Variants in CSRNP3 observed in about 807,000 individuals in gnomAD.
The protein encoded by CSRNP3 is cysteine and serine rich nuclear protein 3, also known as cysteine/serine-rich nuclear protein 3.
A neutral mutation model predicts 48.0 loss-of-function variants in CSRNP3; 12 were observed. The observed-to-expected ratio is 0.25, with a 90% CI of 0.16 to 0.41. CSRNP3 has a LOEUF of 0.41. CSRNP3 is among the 10% of genes least tolerant of loss of function. The probability of loss-of-function intolerance (pLI) is 1.00; values close to 1 mark genes in which losing one functional copy is unlikely to be tolerated. For missense variants in CSRNP3, 580 were observed against 724.4 expected (o/e 0.80, Z 2.29); for synonymous variants, 263 against 269.7 (o/e 0.98, Z 0.24).
chr2:165,608,396 G>A (rs1436251421), intron 4 of CSRNP3, among the ~76,000 whole-genome samples: 1 of 151,986 alleles, frequency 6.6e-6, no homozygotes, highest in Non-Finnish European at 1.5e-5. Context: ...ATAAGTAAAT[G>A]TTAACTTTGG....
intron 3 of CSRNP3, among the ~76,000 whole-genome samples, chr2:165,540,251 C>A (rs991386193): frequency 6.6e-6 from 1 of 151,992 alleles, no homozygotes; most frequent in Non-Finnish European, 1.5e-5. Flanking sequence ...TACTCCCTGT[C>A]TTTATTGTTA....
intron 3 of CSRNP3, among the ~76,000 whole-genome samples, chr2:165,566,479 C>A (rs2105270917): frequency 6.6e-6 from 1 of 151,498 alleles, no homozygotes; most frequent in Middle Eastern, 3.4e-3. Flanking sequence ...TCTCGTGATG[C>A]CTCAATGGTT....
In CSRNP3 at chr2:165,684,017, T is replaced by C. The variant is rs1459104797; in HGVS notation, c.*4264T>C. ...TTCTTCAATGTTAGACCTATATAAG[T>C]GATGCTAAATTTACACCAGCAAACT... is the stretch of plus-strand genomic sequence containing the variant. On this transcript the variant is annotated 3_prime_UTR_variant, in exon 7 of 7. Transcript: ENST00000651982. 6.6e-6 allele frequency: 1 copy of C among 152,120 alleles called. No homozygotes were observed. The highest frequency in any genetic ancestry group is 1.5e-5 in the Non-Finnish European group (1 of 67,992). The allele number at this position is 152,120 out of a possible 1,614,324, so 9.4% of individuals were successfully genotyped here.
chr2:165,553,373 C>T (rs1268801139), intron 3 of CSRNP3, among the ~76,000 whole-genome samples: 1 of 152,196 alleles, frequency 6.6e-6, no homozygotes, highest in African/African-American at 2.4e-5. Context: ...GCCCATCTCT[C>T]TTGCTTTATA....
chr2:165,522,769 G>GA lies in CSRNP3; in HGVS notation c.-24+4811dup, dbSNP rs750872562. 2.3e-4 allele frequency among the ~76,000 whole-genome samples: 35 copies of GA among 152,072 alleles called. 1 individual carries two copies. In the East Asian group the frequency reaches 3.7e-3, roughly 16 times the overall value. On this transcript the variant is annotated intron_variant, in intron 3 of 6. Transcript: ENST00000651982. ...CTAGCTGTGCTTGGAAGTTTGCTTG[G>GA]AAACTAGCAGCTTACCTCCCACAGC... is the stretch of plus-strand genomic sequence containing the variant.
chr2:165,587,574 T>C (rs1487311239), intron 3 of CSRNP3, among the ~76,000 whole-genome samples: 1 of 152,228 alleles, frequency 6.6e-6, no homozygotes, highest in Non-Finnish European at 1.5e-5. Flanking sequence ...TTGCTGGAGC[T>C]TAAATCTGGT....
Position 165,683,069 on chromosome 2 carries a change from G to C in CSRNP3, c.*3316G>C, listed in dbSNP as rs1687573586. 6.6e-6 allele frequency: 1 copy of C among 152,078 alleles called. No homozygotes were observed. Among genetic ancestry groups the C allele is most frequent in the Non-Finnish European group, 1.5e-5 (1 of 68,000 alleles). The allele number at this position is 152,078 out of a possible 1,614,324, so 9.4% of individuals were successfully genotyped here. A position where few individuals can be genotyped will look rare whatever the true frequency, so the allele number is the denominator to read the frequency against. On this transcript the variant is annotated 3_prime_UTR_variant, in exon 7 of 7. Coordinates refer to ENST00000651982, the MANE Select transcript of CSRNP3 (RefSeq NM_001172173.2). ...GAAAGTCAAGTGGCTGAAGCAGCTT[G>C]CATCTCCTTTGTCATTCCCAATTTC...
At chr2:165,645,842 C>T (rs1374829755) in intron 4 of CSRNP3, among the ~76,000 whole-genome samples, 1 of 152,090 alleles carries the variant, frequency 6.6e-6, no homozygotes, top group African/African-American at 2.4e-5. Flanking sequence ...GCCTCCCAGG[C>T]TCAAGTGATT....
intron 2 of CSRNP3, among the ~76,000 whole-genome samples, chr2:165,511,947 A>G (rs1684512595): frequency 6.6e-6 from 1 of 152,124 alleles, no homozygotes. Context: ...TAGTTTGAAG[A>G]AGAGAGAGAG....
chr2:165,606,759 G>C (rs947685913), intron 4 of CSRNP3, among the ~76,000 whole-genome samples: 1 of 152,114 alleles, frequency 6.6e-6, no homozygotes, highest in South Asian at 2.1e-4. Flanking sequence ...TGTATATGCA[G>C]TTAAGTGAAA....
chr2:165,473,887 C>T (rs1400382619), intron 1 of CSRNP3, among the ~76,000 whole-genome samples: 2 of 152,024 alleles, frequency 1.3e-5, no homozygotes, highest in African/African-American at 4.8e-5. Context: ...AAGATTATAA[C>T]GATCTAGATA....
intron 3 of CSRNP3, among the ~76,000 whole-genome samples, chr2:165,549,161 G>A (rs1218265793): frequency 2.0e-5 from 3 of 151,884 alleles, no homozygotes; most frequent in Admixed American, 1.3e-4. Context: ...TTTTGAGCTG[G>A]TGATTCATAT....
At chr2:165,516,127 A>G (rs1254300193) in intron 2 of CSRNP3, among the ~76,000 whole-genome samples, 6 of 152,044 alleles carry the variant, frequency 3.9e-5, no homozygotes, top group Non-Finnish European at 8.8e-5. Context: ...ATAACTTTTT[A>G]AAGTCTATAT....
At chr2:165,599,448 C>T (rs1685875579) in intron 4 of CSRNP3, among the ~76,000 whole-genome samples, 1 of 152,024 alleles carries the variant, frequency 6.6e-6, no homozygotes, top group Non-Finnish European at 1.5e-5. Context: ...CACCACTGCA[C>T]CAGGCCAATT....
intron 4 of CSRNP3, among the ~76,000 whole-genome samples, chr2:165,616,756 T>C (rs1686251337): frequency 6.6e-6 from 1 of 152,200 alleles, no homozygotes; most frequent in Non-Finnish European, 1.5e-5. Flanking sequence ...TAAATATATG[T>C]TGGATTGTTT....
chr2:165,676,761 A>G (rs116632945), intron 6 of CSRNP3, among the ~76,000 whole-genome samples, 153 bp downstream of exon 6: 1,855 of 152,370 alleles, frequency 0.012, 51 homozygotes, highest in African/African-American at 0.042. Context: ...GACATAATTC[A>G]GGAAGAGAGA....
At chr2:165,485,214 T>A (rs1366527545) in intron 1 of CSRNP3, among the ~76,000 whole-genome samples, 1 of 152,182 alleles carries the variant, frequency 6.6e-6, no homozygotes, top group Non-Finnish European at 1.5e-5. Flanking sequence ...AATCATACAA[T>A]TCAATCTTTC....
At chr2:165,563,969 G>T (rs574467207) in intron 3 of CSRNP3, among the ~76,000 whole-genome samples, 1 of 152,004 alleles carries the variant, frequency 6.6e-6, no homozygotes, top group South Asian at 2.1e-4. Context: ...ATCATGCAGG[G>T]TTTGGCAGCT....
At chr2:165,595,249 G>T in intron 4 of CSRNP3, 36 bp downstream of exon 4, 3 of 1,553,544 alleles carry the variant, frequency 1.9e-6, no homozygotes, top group Non-Finnish European at 2.6e-6. Context: ...TCAATTGTCT[G>T]GTTCTACAGC....
Sources: gnomAD v4.1 joint callset for allele counts (sites outside exome capture counted in the v4.1 genomes callset) on GRCh38, gnomAD v4.1.1 for gene constraint, MANE v1.5 for transcripts, NCBI Gene and HGNC (gene_info 2026-07-23, HGNC 2026-07-21) for gene names.